The following PTK6 variants were observed in gnomAD, a reference collection of about 807,000 sequenced individuals.
The protein encoded by PTK6 is protein-tyrosine kinase 6.
In PTK6, 47 loss-of-function variants were observed where a neutral mutation model predicts 47.5. That is an observed-to-expected ratio of 0.99 (90% CI 0.78 to 1.26). The LOEUF (loss-of-function observed/expected upper bound fraction) is 1.26, where lower values mean the gene tolerates loss of function less well. Among genes scored for constraint, PTK6 ranks in the 50% most tolerant of loss-of-function variants. The pLI is 0.00. For missense variants in PTK6, 618 were observed against 625.3 expected (o/e 0.99, Z 0.12); for synonymous variants, 287 against 276.5 (o/e 1.04, Z -0.38).
intron 2 of PTK6, 42 bp downstream of exon 2, chr20:63,534,896 A>G: frequency 6.4e-7 from 1 of 1,560,898 alleles, no homozygotes; most frequent in Admixed American, 1.8e-5. Context: ...TAGAGCCAGG[A>G]GCCCCCGCAG....
intron 5 of PTK6, 96 bp downstream of exon 5, chr20:63,532,412 TGTGTGTCTGTGTGTCTAC>T: frequency 7.5e-7 from 1 of 1,334,196 alleles, no homozygotes; most frequent in Non-Finnish European, 1.0e-6. Flanking sequence ...TGTGTGTGTC[TGTGTGTCTGTGTGTCTAC>T]GTGTGTGTGT....
In PTK6 at chr20:63,530,702, C is replaced by T; in HGVS notation, c.1014+44G>A. On this transcript the variant is annotated intron_variant, in intron 6 of 7. Coordinates refer to ENST00000542869, the MANE Select transcript of PTK6 (RefSeq NM_005975.4). The surrounding 1 kb of genome is among the most constrained non-coding windows in gnomAD (Gnocchi z 4.1). ...CACAGGAAGCCCCCAGCCCTCCGGC[C>T]ACGCCCCGGCCACGACCCCAGCCAC... is the stretch of plus-strand genomic sequence containing the variant. The T allele has an allele frequency of 6.2e-7, 1 of 1,600,628 alleles. No individual in the cohort carries two copies. The highest frequency in any genetic ancestry group is 8.5e-7 in the Non-Finnish European group (1 of 1,172,662).
At chr20:63,531,435 AAAAT>A (rs1419719060) in intron 5 of PTK6, among the ~76,000 whole-genome samples, 146 of 107,864 alleles carry the variant, frequency 1.4e-3, no homozygotes, top group African/African-American at 7.4e-3. Flanking sequence ...AAAAAAAAAA[AAAAT>A]ATATATATAT....
chr20:63,532,950 C>T (rs2082636622), intron 4 of PTK6, among the ~76,000 whole-genome samples: 1 of 152,224 alleles, frequency 6.6e-6, no homozygotes, highest in African/African-American at 2.4e-5. Flanking sequence ...AGACCTCTGA[C>T]ATAGAGGCCA....
Position 63,537,217 on chromosome 20 carries a change from TC to T in PTK6, c.97del (p.Asp33ThrfsTer71). ...TDEELSFRAG[D>X]VFHVARKEEQ... ...CTCCTTCCTGGCCACGTGGAAGACG[TC>T]CCCCGCGCGGAAGCTCAGCTCCTCG... is the stretch of plus-strand genomic sequence containing the variant. On this transcript the variant is annotated frameshift_variant, in exon 1 of 8. Coordinates refer to ENST00000542869, the MANE Select transcript of PTK6 (RefSeq NM_005975.4). LOFTEE classifies it high-confidence loss of function. 1 of 1,612,100 alleles carries T rather than the reference TC, an allele frequency of 6.2e-7. No individual in the cohort carries two copies. The highest frequency in any genetic ancestry group is 8.5e-7 in the Non-Finnish European group (1 of 1,179,740).
chr20:63,532,815 T>C, intron 4 of PTK6, 128 bp from the exon 5 acceptor site: 1 of 1,269,508 alleles, frequency 7.9e-7, no homozygotes, highest in African/African-American at 1.7e-5. Context: ...ACAGACCTCC[T>C]GCCCCCGACA....
chr20:63,528,757 A>G lies in PTK6; in HGVS notation c.*779T>C, dbSNP rs566865786. 1.3e-5 allele frequency: 2 copies of G among 152,278 alleles called. No homozygotes were observed. The highest frequency in any genetic ancestry group is 4.8e-5 in the African/African-American group (2 of 41,572). 9.4% of individuals were successfully genotyped at this position (152,278 alleles called of 1,614,324 possible). A position where few individuals can be genotyped will look rare whatever the true frequency, so the allele number is the denominator to read the frequency against. On this transcript the variant is annotated 3_prime_UTR_variant, in exon 8 of 8. Coordinates refer to ENST00000542869, the MANE Select transcript of PTK6 (RefSeq NM_005975.4). ...AAAAACTTTCAGGTGAGTCAAAACCAAAACCAATAAGCTTTTTATGACTTA... is the reference window on the plus strand; with the variant it reads ...AAAAACTTTCAGGTGAGTCAAAACCGAAACCAATAAGCTTTTTATGACTTA...
intron 1 of PTK6, among the ~76,000 whole-genome samples, chr20:63,535,721 T>A (rs1341940909): frequency 1.4e-5 from 2 of 145,052 alleles, no homozygotes; most frequent in African/African-American, 5.2e-5. Context: ...TCCGCACACC[T>A]GGAAGCACTG....
rs754701412 is a variant in PTK6 at position 63,530,884 on chromosome 20, G to T, written c.876C>A (p.Ile292=). 4 of 1,613,694 alleles carry T rather than the reference G, an allele frequency of 2.5e-6. No homozygotes were observed. The highest frequency in any genetic ancestry group is 2.2e-5 in the East Asian group (1 of 44,834). The change falls in exon 6 of 8, where the codon ATC becomes ATA. Residue 292 remains isoleucine (I), a synonymous_variant. Transcript: ENST00000542869. This position sits in a 1 kb window ranked among gnomAD's most constrained non-coding sequence, Gnocchi z 4.1. The part of the protein sequence containing the change: ...KVLPVSELLD[I]AWQVAEGMCY... ...ACATGCCCTCAGCCACCTGCCAGGCGATGTCCAGCAGCTCCGAAACGGGCA... is the reference window on the plus strand; with the variant it reads ...ACATGCCCTCAGCCACCTGCCAGGCTATGTCCAGCAGCTCCGAAACGGGCA...
chr20:63,529,708 T>C lies in PTK6; in HGVS notation c.1184A>G (p.Glu395Gly). Residue 395 changes from glutamate (E) to glycine (G), a missense_variant, in exon 8 of 8, where the codon GAG becomes GGG. By Grantham distance (98) the Glu-to-Gly change is moderately conservative. Coordinates refer to ENST00000542869, the MANE Select transcript of PTK6 (RefSeq NM_005975.4). The surrounding 1 kb of genome is among the most constrained non-coding windows in gnomAD (Gnocchi z 5.6). ...QVPYPGMSNH[E>G]AFLRVDAGYR... ...GCCGGCGTCCACCCTCAGGAAGGCC[T>C]CATGGTTGGACATGCCTGCGGCCGA... 6.5e-7 allele frequency: 1 copy of C among 1,544,406 alleles called. No homozygotes were observed. Among genetic ancestry groups the C allele is most frequent in the Admixed American group, 2.1e-5 (1 of 48,406 alleles).
Position 63,529,182 on chromosome 20 carries a change from G to A in PTK6, c.*354C>T, listed in dbSNP as rs1218126517. The A allele has an allele frequency of 1.0e-5, 2 of 194,638 alleles. No homozygotes were observed. The highest frequency in any genetic ancestry group is 2.1e-5 in the Non-Finnish European group (2 of 96,018). The allele number at this position is 194,638 out of a possible 1,614,324, so 12.1% of individuals were successfully genotyped here. ...CACCAAGCTGAACTGGGAAGAGCAG[G>A]AACAAGGCGTGTTTGCCTCCCACCC... On this transcript the variant is annotated 3_prime_UTR_variant, in exon 8 of 8. Coordinates refer to ENST00000542869, the MANE Select transcript of PTK6 (RefSeq NM_005975.4). The surrounding 1 kb of genome is among the most constrained non-coding windows in gnomAD (Gnocchi z 5.6).
chr20:63,536,972 T>G, intron 1 of PTK6, 113 bp downstream of exon 1: 1 of 1,143,034 alleles, frequency 8.7e-7, no homozygotes, highest in East Asian at 2.6e-5. Flanking sequence ...TGCAGGAAGA[T>G]GGAACCGGGG....
In PTK6 at chr20:63,530,968, C is replaced by T; in HGVS notation, c.833-41G>A. The T allele has an allele frequency of 1.3e-6, 2 of 1,524,648 alleles. No homozygotes were observed. The highest frequency in any genetic ancestry group is 1.8e-6 in the Non-Finnish European group (2 of 1,134,238). 94.4% of individuals were successfully genotyped at this position (1,524,648 alleles called of 1,614,324 possible). A position where few individuals can be genotyped will look rare whatever the true frequency, so the allele number is the denominator to read the frequency against. On this transcript the variant is annotated intron_variant, in intron 5 of 7. Transcript: ENST00000542869. This position sits in a 1 kb window ranked among gnomAD's most constrained non-coding sequence, Gnocchi z 4.1. Reference sequence around the variant, plus strand: ...GAGCAGAGCCTGGGGTCAGCTGAGCCAGCTGAGGTGGGGAAGGGTTGGGGA... The same window carrying T: ...GAGCAGAGCCTGGGGTCAGCTGAGCTAGCTGAGGTGGGGAAGGGTTGGGGA...
rs758195609 is a variant in PTK6, at chr20:63,535,025, C to T, written c.265G>A (p.Val89Met). Residue 89 changes from valine to methionine, a missense_variant, in exon 2 of 8, where the codon GTG becomes ATG. Coordinates refer to ENST00000542869, the MANE Select transcript of PTK6 (RefSeq NM_005975.4). ...TTGCCCTCGGCCTGCAGCCGACGCA[C>T]AGCTTCCGAGCGGGAGATGCAGCCA... The part of the protein sequence containing the change: ...FFGCISRSEA[V>M]RRLQAEGNAT... 3 of 1,608,428 alleles carry T rather than the reference C, an allele frequency of 1.9e-6. No individual in the cohort carries two copies. The highest frequency in any genetic ancestry group is 2.2e-5 in the East Asian group (1 of 44,736).
rs533576580 is a variant in PTK6 at position 63,533,117 on chromosome 20, G to T, written c.671-430C>A. 5.5e-4 allele frequency among the ~76,000 whole-genome samples: 83 copies of T among 151,730 alleles called. No individual in the cohort carries two copies. The highest frequency in any genetic ancestry group is 1.9e-3 in the African/African-American group (77 of 41,250). On this transcript the variant is annotated intron_variant, in intron 4 of 7. Transcript: ENST00000542869. This position sits in a 1 kb window ranked among gnomAD's most constrained non-coding sequence, Gnocchi z 4.0. ...GGGTCTTGCTCTGTCGCCCAGGCTG[G>T]AGTGCAATGGCGCGATCTCAGCTCA...
intron 5 of PTK6, among the ~76,000 whole-genome samples, chr20:63,532,066 T>C (rs961890823): frequency 3.3e-5 from 5 of 152,218 alleles, no homozygotes; most frequent in African/African-American, 9.6e-5. Context: ...TCTTTGGTTT[T>C]GGTGAGAAAG....
Position 63,529,205 on chromosome 20 carries a change from C to T in PTK6, c.*331G>A, listed in dbSNP as rs2082598999. 4.5e-6 allele frequency: 1 copy of T among 220,700 alleles called. No individual in the cohort carries two copies. Among genetic ancestry groups the T allele is most frequent in the South Asian group, 1.5e-4 (1 of 6,590 alleles). The allele number at this position is 220,700 out of a possible 1,614,324, so 13.7% of individuals were successfully genotyped here. A position where few individuals can be genotyped will look rare whatever the true frequency, so the allele number is the denominator to read the frequency against. ...AGGAACAAGGCGTGTTTGCCTCCCA[C>T]CCTCAGCCGGGCACTGCAGACAGAC... On this transcript the variant is annotated 3_prime_UTR_variant, in exon 8 of 8. Coordinates refer to ENST00000542869, the MANE Select transcript of PTK6 (RefSeq NM_005975.4). This position sits in a 1 kb window ranked among gnomAD's most constrained non-coding sequence, Gnocchi z 5.6.
chr20:63,534,098 G>C, intron 3 of PTK6, 54 bp downstream of exon 3: 1 of 1,481,614 alleles, frequency 6.7e-7, no homozygotes, highest in South Asian at 1.3e-5. Context: ...GGAAATGCCA[G>C]CCTGTGACCC....
At chr20:63,535,772 CCTCACCT>C in intron 1 of PTK6, among the ~76,000 whole-genome samples, 1 of 118,140 alleles carries the variant, frequency 8.5e-6, no homozygotes, top group African/African-American at 4.0e-5. Flanking sequence ...CCGCCCCCCC[CCTCACCT>C]GGCCTCCCGC....
Sources: allele counts gnomAD v4.1 joint callset (sites outside exome capture counted in the v4.1 genomes callset), GRCh38; gene constraint gnomAD v4.1.1; non-coding constraint Gnocchi (gnomAD v3.1); transcripts MANE v1.5; gene names NCBI Gene and HGNC (gene_info 2026-07-23, HGNC 2026-07-21).